FSTL4: variants seen among roughly 807,000 people sequenced by gnomAD.
FSTL4 encodes follistatin-related protein 4.
FSTL4 carries 28 observed loss-of-function variants against 78.2 expected under a neutral mutation model. That is an observed-to-expected ratio of 0.36 (90% CI 0.27 to 0.49). FSTL4 has a LOEUF of 0.49. Ranked by LOEUF, FSTL4 falls within the 20% of genes least tolerant of loss-of-function variation. The pLI is 0.98. For synonymous variants in FSTL4, 422 were observed against 440.5 expected (o/e 0.96, Z 0.53); for missense variants, 922 against 1,084.9 (o/e 0.85, Z 2.11).
At chr5:133,556,722 C>T (rs1352323605) in intron 3 of FSTL4, among the ~76,000 whole-genome samples, 1 of 152,112 alleles carries the variant, frequency 6.6e-6, no homozygotes, top group African/African-American at 2.4e-5. Flanking sequence ...GTCCATCCCC[C>T]ATCCTGTGTT....
At chr5:133,324,309 C>T (rs987649023) in intron 4 of FSTL4, among the ~76,000 whole-genome samples, 8 of 152,178 alleles carry the variant, frequency 5.3e-5, no homozygotes, top group East Asian at 1.9e-4. Context: ...CACAGGCTGT[C>T]GGGAGCTCAG....
intron 4 of FSTL4, among the ~76,000 whole-genome samples, chr5:133,348,377 G>C (rs967179036): frequency 1.3e-5 from 2 of 152,234 alleles, no homozygotes; most frequent in Non-Finnish European, 2.9e-5. Flanking sequence ...CTCCCAATGA[G>C]AGATCAAGTC....
At chr5:133,206,643 T>A (rs900697873) in intron 14 of FSTL4, among the ~76,000 whole-genome samples, 1 of 152,240 alleles carries the variant, frequency 6.6e-6, no homozygotes, top group Non-Finnish European at 1.5e-5. Context: ...ATTATAGGCA[T>A]GAACCACTGC....
intron 6 of FSTL4, among the ~76,000 whole-genome samples, chr5:133,259,792 T>C (rs748335513): frequency 1.3e-5 from 2 of 150,680 alleles, no homozygotes; most frequent in Admixed American, 6.6e-5. Flanking sequence ...GGCTGGGAAA[T>C]AGTTTGGATG....
At chr5:133,495,934 G>A (rs1043013318) in intron 3 of FSTL4, among the ~76,000 whole-genome samples, 1 of 152,202 alleles carries the variant, frequency 6.6e-6, no homozygotes, top group Non-Finnish European at 1.5e-5. Context: ...GTAAGTAAGA[G>A]CATAAACGCA....
the FSTL4 span, among the ~76,000 whole-genome samples, chr5:133,638,142 C>T: frequency 1.3e-5 from 2 of 152,010 alleles, no homozygotes; most frequent in African/African-American, 4.8e-5. Context: ...CATCCCAATC[C>T]AATTTATCAG....
chr5:133,728,728 C>T, the FSTL4 span, among the ~76,000 whole-genome samples: 1 of 151,368 alleles, frequency 6.6e-6, no homozygotes, highest in African/African-American at 2.4e-5. Context: ...GTAGTCAGAT[C>T]GGATGTCTAA....
intron 6 of FSTL4, among the ~76,000 whole-genome samples, chr5:133,307,252 T>C (rs1427422044): frequency 6.6e-6 from 1 of 152,174 alleles, no homozygotes; most frequent in Non-Finnish European, 1.5e-5. Context: ...TGGGGCTTGG[T>C]GGAGGAAAGA....
the FSTL4 span, among the ~76,000 whole-genome samples, chr5:133,668,324 T>C: frequency 6.6e-6 from 1 of 152,132 alleles, no homozygotes; most frequent in Admixed American, 6.5e-5. Context: ...GAAAGTCACA[T>C]GGAACCAGGA....
the FSTL4 span, among the ~76,000 whole-genome samples, chr5:133,753,546 C>T: frequency 7.9e-5 from 12 of 152,170 alleles, no homozygotes; most frequent in African/African-American, 2.7e-4. Flanking sequence ...CTGAGCTAAG[C>T]CAGGTGGTAA....
intron 1 of FSTL4, among the ~76,000 whole-genome samples, chr5:133,608,219 A>G (rs1438176837): frequency 6.6e-6 from 1 of 152,250 alleles, no homozygotes; most frequent in East Asian, 1.9e-4. Flanking sequence ...CTAAGCCCTA[A>G]GTATTAATTA....
At chr5:133,485,349 C>T (rs1209877373) in intron 3 of FSTL4, among the ~76,000 whole-genome samples, 1 of 152,158 alleles carries the variant, frequency 6.6e-6, no homozygotes, top group Non-Finnish European at 1.5e-5. Context: ...GGAGGGAACC[C>T]TTTATGGGCA....
the FSTL4 span, among the ~76,000 whole-genome samples, chr5:133,665,105 G>T: frequency 6.6e-6 from 1 of 152,186 alleles, no homozygotes; most frequent in Non-Finnish European, 1.5e-5. Flanking sequence ...CTTCTCTGAA[G>T]CATATGCCTT....
chr5:133,282,296 T>G (rs1430084224), intron 6 of FSTL4, among the ~76,000 whole-genome samples: 2 of 152,072 alleles, frequency 1.3e-5, no homozygotes, highest in Admixed American at 6.5e-5. Context: ...CCAAACCACA[T>G]GCTCAGGCAG....
chr5:133,777,548 C>G, the FSTL4 span, among the ~76,000 whole-genome samples: 1 of 152,192 alleles, frequency 6.6e-6, no homozygotes, highest in African/African-American at 2.4e-5. Flanking sequence ...CTTCTAATCC[C>G]AGTCTCCTCC....
chr5:133,812,076 G>A, the FSTL4 span, among the ~76,000 whole-genome samples: 5 of 152,198 alleles, frequency 3.3e-5, no homozygotes, highest in African/African-American at 7.2e-5. Context: ...TCTAGGCATC[G>A]TCCATATGCC....
At chr5:133,720,455 T>C in the FSTL4 span, 37,496 of 153,016 alleles carry the variant, frequency 0.25, 5,191 homozygotes, top group African/African-American at 0.38. Context: ...CCTCACCATG[T>C]CCAAATACAC....
At chr5:133,838,023 G>A in the FSTL4 span, among the ~76,000 whole-genome samples, 4 of 152,104 alleles carry the variant, frequency 2.6e-5, no homozygotes. Flanking sequence ...CAGTTGCTGG[G>A]ATTACAGGCA....
intron 6 of FSTL4, among the ~76,000 whole-genome samples, chr5:133,261,344 G>A (rs956702525): frequency 5.9e-5 from 9 of 152,000 alleles, no homozygotes; most frequent in African/African-American, 1.9e-4. Flanking sequence ...CATATCCGGT[G>A]GAAAGGATGT....
Sources: allele counts gnomAD v4.1 joint callset (sites outside exome capture counted in the v4.1 genomes callset), GRCh38; gene constraint gnomAD v4.1.1; transcripts MANE v1.5; gene names NCBI Gene and HGNC (gene_info 2026-07-23, HGNC 2026-07-21).